Variants in LTBP2 observed in about 807,000 individuals in gnomAD.
LTBP2 encodes the protein latent-transforming growth factor beta-binding protein 2.
Under a neutral mutation model 210.6 loss-of-function variants are expected in LTBP2, and 103 were observed. The ratio of observed to expected loss-of-function variants is 0.49; its 90% CI spans 0.42 to 0.58. The LOEUF (loss-of-function observed/expected upper bound fraction) is 0.58, where lower values mean the gene tolerates loss of function less well. LTBP2 is among the 20% of genes least tolerant of loss of function. The probability of loss-of-function intolerance (pLI) is 0.00; values close to 1 mark genes in which losing one functional copy is unlikely to be tolerated. For synonymous variants in LTBP2, 1,007 were observed against 1,015.0 expected (o/e 0.99, Z 0.15); for missense variants, 2,313 against 2,494.5 (o/e 0.93, Z 1.55).
chr14:74,600,453 G>A lies in LTBP2; in HGVS notation c.565+3182C>T, dbSNP rs181417361. 5.3e-5 allele frequency among the ~76,000 whole-genome samples: 8 copies of A among 152,226 alleles called. No homozygotes were observed. In the East Asian group the frequency reaches 1.5e-3, roughly 29 times the overall value. On this transcript the variant is annotated intron_variant, in intron 2 of 35. Transcript: ENST00000261978. Reference sequence around the variant, plus strand: ...GCAGCACCCACTGGGGCACAAGGATGCCCCCACACACATGCACTGGTACTG... The same window carrying A: ...GCAGCACCCACTGGGGCACAAGGATACCCCCACACACATGCACTGGTACTG...
Position 74,499,384 on chromosome 14 carries a change from T to C in LTBP2, c.*1500A>G, listed in dbSNP as rs1468784584. 4 of 223,348 alleles carry C rather than the reference T, an allele frequency of 1.8e-5. No homozygotes were observed. The highest frequency in any genetic ancestry group is 2.7e-5 in the Non-Finnish European group (3 of 111,658). 13.8% of individuals were successfully genotyped at this position (223,348 alleles called of 1,614,324 possible). On this transcript the variant is annotated 3_prime_UTR_variant, in exon 36 of 36. Transcript: ENST00000261978. ...GAATAAACAATAGTAAGTAGGATTATTGGATAATTAAATGAAATGTATGTA... is the reference window on the plus strand; with the variant it reads ...GAATAAACAATAGTAAGTAGGATTACTGGATAATTAAATGAAATGTATGTA...
At chr14:74,541,688 C>A (rs1341412280) in intron 8 of LTBP2, among the ~76,000 whole-genome samples, 1 of 151,932 alleles carries the variant, frequency 6.6e-6, no homozygotes, top group Non-Finnish European at 1.5e-5. Context: ...GAGGTACCTG[C>A]CCAGTAGAAA....
chr14:74,540,822 T>TAAA (rs1253529515), intron 8 of LTBP2, among the ~76,000 whole-genome samples: 1 of 67,600 alleles, frequency 1.5e-5, no homozygotes, highest in Non-Finnish European at 3.0e-5. Context: ...ATATATATAT[T>TAAA]TTTATATAAT....
intron 3 of LTBP2, among the ~76,000 whole-genome samples, chr14:74,567,882 G>T (rs1035682726): frequency 2.0e-5 from 3 of 152,146 alleles, no homozygotes; most frequent in Admixed American, 6.5e-5. Context: ...GCAGTCTGAG[G>T]CCCCTGGCTC....
chr14:74,560,245 C>T (rs994167344), intron 3 of LTBP2, among the ~76,000 whole-genome samples: 10 of 152,078 alleles, frequency 6.6e-5, no homozygotes, highest in Admixed American at 2.0e-4. Flanking sequence ...AAAAAAGAAA[C>T]GTTTGAATAA....
intron 3 of LTBP2, among the ~76,000 whole-genome samples, chr14:74,585,144 A>G (rs963369075): frequency 6.6e-6 from 1 of 152,236 alleles, no homozygotes. Context: ...ATGGGCTGGC[A>G]AGCAGGCCAG....
intron 9 of LTBP2, among the ~76,000 whole-genome samples, chr14:74,532,751 G>C (rs904607944): frequency 5.3e-5 from 8 of 152,254 alleles, no homozygotes; most frequent in Non-Finnish European, 7.3e-5. Flanking sequence ...AGATGGTGTT[G>C]TTAAATGGAT....
At position 74,498,710 on chromosome 14, in the gene LTBP2, A is replaced by AT; in HGVS notation, c.*2173dup. On this transcript the variant is annotated 3_prime_UTR_variant, in exon 36 of 36. Coordinates refer to ENST00000261978, the MANE Select transcript of LTBP2 (RefSeq NM_000428.3). Reference sequence around the variant, plus strand: ...AGTGCCAGCAGGATATATTTGGGGGATGGTAAGTTCTCCGATGGTGAGGTA... The same window carrying AT: ...AGTGCCAGCAGGATATATTTGGGGGATTGGTAAGTTCTCCGATGGTGAGGTA... 8.6e-6 allele frequency: 2 copies of AT among 232,320 alleles called. No homozygotes were observed. Among genetic ancestry groups the AT allele is most frequent in the African/African-American group, 2.2e-5 (1 of 45,388 alleles). 14.4% of individuals were successfully genotyped at this position (232,320 alleles called of 1,614,324 possible).
intron 10 of LTBP2, among the ~76,000 whole-genome samples, chr14:74,530,966 C>T (rs907471284): frequency 1.3e-5 from 2 of 152,218 alleles, no homozygotes; most frequent in African/African-American, 4.8e-5. Flanking sequence ...GGTCATGTGC[C>T]CGCCACAGGT....
intron 12 of LTBP2, among the ~76,000 whole-genome samples, chr14:74,528,040 G>A (rs1248351495): frequency 1.3e-5 from 2 of 152,160 alleles, no homozygotes; most frequent in South Asian, 2.1e-4. Flanking sequence ...CTCCAGCCCC[G>A]TGCCTCTGGG....
At chr14:74,585,611 G>A (rs1480892978) in intron 3 of LTBP2, among the ~76,000 whole-genome samples, 1 of 152,134 alleles carries the variant, frequency 6.6e-6, no homozygotes, top group African/African-American at 2.4e-5. Context: ...GCACTCGAGG[G>A]CAAAGACTTC....
At chr14:74,564,167 A>ATT in intron 3 of LTBP2, among the ~76,000 whole-genome samples, 1 of 43,594 alleles carries the variant, frequency 2.3e-5, no homozygotes, top group Non-Finnish European at 3.8e-5. Context: ...ATATATTTAT[A>ATT]TATATATTTA....
intron 1 of LTBP2, among the ~76,000 whole-genome samples, chr14:74,609,038 G>A (rs2139813095): frequency 6.6e-6 from 1 of 152,348 alleles, no homozygotes; most frequent in East Asian, 1.9e-4. Context: ...CAGTAGCAGT[G>A]GTGCAGTTCC....
At position 74,568,144 on chromosome 14, in the gene LTBP2, T is replaced by G. The variant is rs546068952; in HGVS notation, c.831-12451A>C. 2.0e-3 allele frequency among the ~76,000 whole-genome samples: 300 copies of G among 152,318 alleles called. 4 individuals are homozygous for G. Among genetic ancestry groups the G allele is most frequent in the African/African-American group, 6.9e-3 (286 of 41,576 alleles). ...AGTTGCCCTACTTCCTTCAGGCTGATGTAGCGTGGTCCCGGTGCTGGGTGA... is the reference window on the plus strand; with the variant it reads ...AGTTGCCCTACTTCCTTCAGGCTGAGGTAGCGTGGTCCCGGTGCTGGGTGA... On this transcript the variant is annotated intron_variant, in intron 3 of 35. Coordinates refer to ENST00000261978, the MANE Select transcript of LTBP2 (RefSeq NM_000428.3).
In LTBP2 at chr14:74,509,058, A is replaced by T. The variant is rs1369515191; in HGVS notation, c.3404-106T>A. 3.2e-6 allele frequency: 5 copies of T among 1,578,138 alleles called. 1 individual carries two copies. In the South Asian group the frequency reaches 5.6e-5, roughly 18 times the overall value. ...ACCTGTCACCTGCCTGCAGAGCTGGACCCACGGGGGATCATCCCCTCATGA... is the reference window on the plus strand; with the variant it reads ...ACCTGTCACCTGCCTGCAGAGCTGGTCCCACGGGGGATCATCCCCTCATGA... On this transcript the variant is annotated intron_variant, in intron 22 of 35. Transcript: ENST00000261978.
intron 3 of LTBP2, among the ~76,000 whole-genome samples, chr14:74,577,108 T>G (rs1036220891): frequency 1.3e-5 from 2 of 151,920 alleles, no homozygotes; most frequent in Non-Finnish European, 2.9e-5. Context: ...AGGTCCTAAG[T>G]GTTGGGGGAA....
intron 17 of LTBP2, among the ~76,000 whole-genome samples, chr14:74,517,391 T>A (rs2139705026): frequency 6.6e-6 from 1 of 152,054 alleles, no homozygotes; most frequent in Admixed American, 6.5e-5. Context: ...TTCGCTCTTG[T>A]TGCCCAGGCT....
intron 8 of LTBP2, among the ~76,000 whole-genome samples, chr14:74,543,203 T>G (rs963347443): frequency 6.6e-6 from 1 of 151,496 alleles, no homozygotes; most frequent in Non-Finnish European, 1.5e-5. Flanking sequence ...ACGGTGAAAC[T>G]CCGTCTCTCC....
At chr14:74,546,161 G>A (rs1187200939) in intron 8 of LTBP2, among the ~76,000 whole-genome samples, 2 of 152,040 alleles carry the variant, frequency 1.3e-5, no homozygotes, top group African/African-American at 2.4e-5. Context: ...CACTTTACTG[G>A]GGATGACAAA....
Sources: allele counts gnomAD v4.1 joint callset (sites outside exome capture counted in the v4.1 genomes callset), GRCh38; gene constraint gnomAD v4.1.1; transcripts MANE v1.5; gene names NCBI Gene and HGNC (gene_info 2026-07-23, HGNC 2026-07-21).